PCDHGA2: variants seen among roughly 807,000 people sequenced by gnomAD.
PCDHGA2 encodes protocadherin gamma-A2.
In PCDHGA2, 40 loss-of-function variants were observed where a neutral mutation model predicts 59.2. That is an observed-to-expected ratio of 0.68 (90% CI 0.52 to 0.88). The LOEUF (loss-of-function observed/expected upper bound fraction) is 0.88, where lower values mean the gene tolerates loss of function less well. Among genes scored for constraint, PCDHGA2 ranks in the 40% least tolerant of loss-of-function variants. The pLI is 0.00. For missense variants in PCDHGA2, 1,226 were observed against 1,204.0 expected, an observed-to-expected ratio of 1.02 and a Z score of -0.27; for synonymous variants, 560 against 526.0, an observed-to-expected ratio of 1.06 and a Z score of -0.89.
intron 1 of PCDHGA2, among the ~76,000 whole-genome samples, chr5:141,387,411 G>A (rs2090933954): frequency 1.3e-5 from 2 of 152,196 alleles, no homozygotes; most frequent in Admixed American, 6.5e-5. Flanking sequence ...ATTGGGGAAA[G>A]CTTATGTCAA....
At chr5:141,368,314 C>T (rs928484151) in intron 1 of PCDHGA2, among the ~76,000 whole-genome samples, 1 of 152,080 alleles carries the variant, frequency 6.6e-6, no homozygotes, top group Admixed American at 6.6e-5. Context: ...TGTTAAAGAG[C>T]ATTCAAGTAT....
Position 141,365,063 on chromosome 5 carries a change from T to C in PCDHGA2, c.2424+23668T>C, listed in dbSNP as rs757924486. On this transcript the variant is annotated intron_variant, in intron 1 of 3. Coordinates refer to ENST00000394576, the MANE Select transcript of PCDHGA2 (RefSeq NM_018915.4). ...CGACAATGCGCCCCTGTTCACCCCATCCGAGTACAGCGTGAGTGTTCCAGA... is the reference window on the plus strand; with the variant it reads ...CGACAATGCGCCCCTGTTCACCCCACCCGAGTACAGCGTGAGTGTTCCAGA... The C allele has an allele frequency of 6.8e-6, 11 of 1,613,692 alleles. No homozygotes were observed. Among genetic ancestry groups the C allele is most frequent in the Non-Finnish European group, 9.3e-6 (11 of 1,179,886 alleles).
intron 1 of PCDHGA2, chr5:141,375,227 G>C: frequency 6.2e-7 from 1 of 1,613,962 alleles, no homozygotes; most frequent in East Asian, 2.2e-5. Context: ...GAATGGCCTG[G>C]TAACCTGTTC....
At chr5:141,427,480 A>G in intron 1 of PCDHGA2, 1 of 531,758 alleles carries the variant, frequency 1.9e-6, no homozygotes, top group South Asian at 1.5e-5. Context: ...GCCAATAATG[A>G]CTATAAGCTT....
In PCDHGA2 at chr5:141,511,035, C is replaced by T. The variant is rs373005862; in HGVS notation, c.2661C>T (p.His887=). Residue 887 remains histidine (H), a synonymous_variant, in exon 4 of 4, where the codon CAC becomes CAT. Transcript: ENST00000394576. ...ACGGACCCCAGTTCACCCTGCAGCA[C>T]GTGCCCGACTACCGCCAGAATGTCT... ...ARYGPQFTLQ[H]VPDYRQNVYI... The T allele has an allele frequency of 1.7e-5, 27 of 1,614,208 alleles. No individual in the cohort carries two copies. The African/African-American group carries it at 2.9e-4, about 18-fold the overall frequency.
intron 1 of PCDHGA2, among the ~76,000 whole-genome samples, chr5:141,482,354 G>C (rs1461472845): frequency 6.6e-6 from 1 of 152,096 alleles, no homozygotes; most frequent in Non-Finnish European, 1.5e-5. Context: ...CTTGTTGTGA[G>C]AGTGAAAAGT....
chr5:141,436,591 G>A (rs903125499), intron 1 of PCDHGA2, among the ~76,000 whole-genome samples: 8 of 152,154 alleles, frequency 5.3e-5, no homozygotes, highest in Non-Finnish European at 1.0e-4. Context: ...TTGAAAGGTC[G>A]TGGTGATGGC....
chr5:141,505,143 C>G lies in PCDHGA2; in HGVS notation c.2484-250C>G, dbSNP rs578261428. ...CGCCACTGCACTCCAGCCTGGATGA[C>G]AGAGTAAGACCCTGTCTAAAACAAA... On this transcript the variant is annotated intron_variant, in intron 2 of 3. Coordinates refer to ENST00000394576, the MANE Select transcript of PCDHGA2 (RefSeq NM_018915.4). Among the ~76,000 whole-genome samples the G allele has an allele frequency of 3.3e-5, 5 of 152,290 alleles. No homozygotes were observed. The East Asian group carries it at 7.7e-4, about 24-fold the overall frequency.
At chr5:141,450,887 C>T (rs531604055) in intron 1 of PCDHGA2, among the ~76,000 whole-genome samples, 18 of 148,682 alleles carry the variant, frequency 1.2e-4, no homozygotes, top group East Asian at 1.2e-3. Flanking sequence ...TGCAGTGGTG[C>T]GATATCGGCT....
chr5:141,491,114 C>T lies in PCDHGA2; in HGVS notation c.2425-3693C>T, dbSNP rs1240431232. 1 of 1,614,104 alleles carries T rather than the reference C, an allele frequency of 6.2e-7. No homozygotes were observed. Among genetic ancestry groups the T allele is most frequent in the Admixed American group, 1.7e-5 (1 of 60,012 alleles). ...GGACTGTTCCTCGTGTCTACACACA[C>T]TGGTGAGGTGCGCACAGCCCGGGCC... On this transcript the variant is annotated intron_variant, in intron 1 of 3. Transcript: ENST00000394576. The surrounding 1 kb of genome is among the most constrained non-coding windows in gnomAD (Gnocchi z 6.9).
chr5:141,460,507 G>A (rs2098991001), intron 1 of PCDHGA2, among the ~76,000 whole-genome samples: 1 of 152,036 alleles, frequency 6.6e-6, no homozygotes. Context: ...ATGCTGAGAA[G>A]GCTATCTTTT....
chr5:141,388,906 A>ACG (rs890479246), intron 1 of PCDHGA2: 2 of 1,614,016 alleles, frequency 1.2e-6, no homozygotes, highest in Admixed American at 3.3e-5. Flanking sequence ...GAAAATGACA[A>ACG]CGCCCCAGAA....
intron 1 of PCDHGA2, chr5:141,423,754 G>C: frequency 1.7e-6 from 1 of 577,836 alleles, no homozygotes. Flanking sequence ...ACTGTTTGGG[G>C]GGGGGGTGGG....
rs2099718995 is a variant in PCDHGA2 at position 141,491,523 on chromosome 5, G to A, written c.2425-3284G>A. On this transcript the variant is annotated intron_variant, in intron 1 of 3. Transcript: ENST00000394576. This position sits in a 1 kb window ranked among gnomAD's most constrained non-coding sequence, Gnocchi z 6.9. ...CGGACGGCACGCTCAAGTACATGGAGGTGACGCTGCGGCCCACAGACTCGC... is the reference window on the plus strand; with the variant it reads ...CGGACGGCACGCTCAAGTACATGGAAGTGACGCTGCGGCCCACAGACTCGC... The A allele has an allele frequency of 3.1e-6, 5 of 1,613,954 alleles. No individual in the cohort carries two copies. The highest frequency in any genetic ancestry group is 3.4e-6 in the Non-Finnish European group (4 of 1,180,032).
intron 1 of PCDHGA2, chr5:141,390,870 G>A (rs1003231489): frequency 2.2e-5 from 3 of 134,656 alleles, no homozygotes; most frequent in African/African-American, 9.4e-5. Context: ...GTGTGTGCGT[G>A]TGTGTGTGTG....
intron 1 of PCDHGA2, among the ~76,000 whole-genome samples, chr5:141,369,773 T>G: frequency 6.6e-6 from 1 of 152,236 alleles, no homozygotes; most frequent in African/African-American, 2.4e-5. Flanking sequence ...AGCTGATATT[T>G]CAAGCCTCTT....
chr5:141,351,952 G>C, intron 1 of PCDHGA2: 2 of 1,613,070 alleles, frequency 1.2e-6, no homozygotes, highest in South Asian at 2.2e-5. Context: ...CCGCGCTGGG[G>C]CCTGATGGCT....
rs1226194073 is a variant in PCDHGA2, at chr5:141,490,496, A to G, written c.2425-4311A>G. The G allele has an allele frequency of 6.2e-7, 1 of 1,614,096 alleles. No individual in the cohort carries two copies. Among genetic ancestry groups the G allele is most frequent in the East Asian group, 2.2e-5 (1 of 44,894 alleles). On this transcript the variant is annotated intron_variant, in intron 1 of 3. Coordinates refer to ENST00000394576, the MANE Select transcript of PCDHGA2 (RefSeq NM_018915.4). The surrounding 1 kb of genome is among the most constrained non-coding windows in gnomAD (Gnocchi z 5.4). ...CCTTTGGACCGGGAGGCCACATCCCACTATATCATCGAGCTGCTGGCCAGC... is the reference window on the plus strand; with the variant it reads ...CCTTTGGACCGGGAGGCCACATCCCGCTATATCATCGAGCTGCTGGCCAGC...
chr5:141,429,573 T>G (rs1026656206), intron 1 of PCDHGA2, among the ~76,000 whole-genome samples: 3 of 152,206 alleles, frequency 2.0e-5, no homozygotes, highest in Non-Finnish European at 4.4e-5. Context: ...TCAGTTACAT[T>G]TACTTTTGAT....
Sources: allele counts gnomAD v4.1 joint callset (sites outside exome capture counted in the v4.1 genomes callset), GRCh38; gene constraint gnomAD v4.1.1; non-coding constraint Gnocchi (gnomAD v3.1); transcripts MANE v1.5; gene names NCBI Gene and HGNC (gene_info 2026-07-23, HGNC 2026-07-21).